Variants in VEGFA observed in about 807,000 individuals in gnomAD.
The protein encoded by VEGFA is vascular endothelial growth factor A, long form.
In VEGFA, 20 loss-of-function variants were observed where a neutral mutation model predicts 49.7. That is an observed-to-expected ratio of 0.40 (90% CI 0.28 to 0.58). The LOEUF (loss-of-function observed/expected upper bound fraction) is 0.58. Ranked by LOEUF, VEGFA falls within the 20% of genes least tolerant of loss-of-function variation. The pLI, the probability that VEGFA is intolerant of heterozygous loss-of-function variation, is 0.40. For missense variants in VEGFA, 505 were observed against 553.5 expected (o/e 0.91, Z 0.88); for synonymous variants, 219 against 223.4 (o/e 0.98, Z 0.18).
At chr6:43,784,213 G>A (rs543958759) in intron 7 of VEGFA, 1 of 470,720 alleles carries the variant, frequency 2.1e-6, no homozygotes, top group African/African-American at 2.0e-5. Context: ...GTCAAGTGGG[G>A]ACTGTTCTTT....
At chr6:43,783,768 C>T (rs1253612037) in intron 7 of VEGFA, 1 of 152,452 alleles carries the variant, frequency 6.6e-6, no homozygotes, top group Non-Finnish European at 1.5e-5. Flanking sequence ...CAGGGGCATG[C>T]TGAGAAAGTT....
In VEGFA at chr6:43,770,945, C is replaced by T; in HGVS notation, c.239C>T (p.Ala80Val). 2 of 1,544,596 alleles carry T rather than the reference C, an allele frequency of 1.3e-6. No individual in the cohort carries two copies. Among genetic ancestry groups the T allele is most frequent in the Admixed American group, 2.0e-5 (1 of 50,638 alleles). Residue 80 changes from alanine to valine, a missense_variant, in exon 1 of 8, where the codon GCG (alanine) becomes GTG (valine). Transcript: ENST00000672860. ...GGGGAAGCCGAGCCGAGCGGAGCCG[C>T]GAGAAGTGCTAGCTCGGGCCGGGAG...
In VEGFA at chr6:43,777,764, G is replaced by A. The variant is rs541724233; in HGVS notation, c.855+99G>A. 9.7e-6 allele frequency: 13 copies of A among 1,340,802 alleles called. No individual in the cohort carries two copies. The highest frequency in any genetic ancestry group is 6.2e-5 in the Admixed American group (3 of 48,752). The allele number at this position is 1,340,802 out of a possible 1,614,324, so 83.1% of individuals were successfully genotyped here. ...GTCGTTTCCTGGCTAGATTTGCCTT[G>A]TCTGGCTCCTGCCCCTGAGTTGCAC... On this transcript the variant is annotated intron_variant, in intron 3 of 7. Coordinates refer to ENST00000672860, the MANE Select transcript of VEGFA (RefSeq NM_003376.6). This position sits in a 1 kb window ranked among gnomAD's most constrained non-coding sequence, Gnocchi z 4.3.
rs1455464368 is a variant in VEGFA, at chr6:43,781,273, C to A, written c.1034+470C>A. 1.2e-5 allele frequency: 4 copies of A among 325,002 alleles called. No homozygotes were observed. In the East Asian group the frequency reaches 3.2e-4, roughly 26 times the overall value. The allele number at this position is 325,002 out of a possible 1,614,324, so 20.1% of individuals were successfully genotyped here. On this transcript the variant is annotated intron_variant, in intron 6 of 7. Transcript: ENST00000672860. ...AATGACTCCTTGGCTGAAGGAGGAG[C>A]TTGGGTGGGATCAGACACCATGTGG...
intron 5 of VEGFA, 32 bp downstream of exon 5, chr6:43,778,950 C>T (rs1278527377): frequency 1.1e-5 from 17 of 1,614,056 alleles, no homozygotes; most frequent in Non-Finnish European, 1.4e-5. Context: ...ACTTCTCCCT[C>T]TCCATGGCCG....
At chr6:43,780,121 TC>T in intron 5 of VEGFA, 1 of 215,784 alleles carries the variant, frequency 4.6e-6, no homozygotes, top group South Asian at 7.6e-5. Context: ...CCAGTCCAGG[TC>T]GTGCTGAGCA....
rs913819452 is a variant in VEGFA at position 43,784,767 on chromosome 6, G to A, written c.*205G>A. The A allele has an allele frequency of 1.4e-5, 13 of 898,480 alleles. No individual in the cohort carries two copies. Among genetic ancestry groups the A allele is most frequent in the Admixed American group, 1.0e-4 (5 of 49,800 alleles). The allele number at this position is 898,480 out of a possible 1,614,324, so 55.7% of individuals were successfully genotyped here. On this transcript the variant is annotated 3_prime_UTR_variant, in exon 8 of 8. Transcript: ENST00000672860. Reference sequence around the variant, plus strand: ...CTTTGGGTCCGGAGGGCGAGACTCCGGCGGAAGCATTCCCGGGCGGGTGAC... The same window carrying A: ...CTTTGGGTCCGGAGGGCGAGACTCCAGCGGAAGCATTCCCGGGCGGGTGAC...
At chr6:43,774,505 A>C (rs939754067) in intron 2 of VEGFA, 113 bp downstream of exon 2, 8 of 1,285,500 alleles carry the variant, frequency 6.2e-6, no homozygotes, top group Non-Finnish European at 8.9e-6. Context: ...GCACAGGAAT[A>C]TAAGGATCAA....
At chr6:43,778,403 A>T in intron 3 of VEGFA, 57 bp from the exon 4 acceptor site, 5 of 1,522,536 alleles carry the variant, frequency 3.3e-6, no homozygotes, top group Admixed American at 1.7e-5. Context: ...GGGTTGTCCC[A>T]TCTGGGTATG....
chr6:43,781,627 G>A (rs921227553), intron 6 of VEGFA: 5 of 371,670 alleles, frequency 1.3e-5, no homozygotes, highest in Admixed American at 3.7e-5. Context: ...GGCGTGCTCC[G>A]ATGGGGGCAA....
chr6:43,778,472 A>C lies in VEGFA; in HGVS notation c.868A>C (p.Lys290Gln). The change falls in exon 4 of 8, where the codon AAA becomes CAA. Residue 290 changes from lysine to glutamine, a missense_variant. This residue lies in a region of VEGFA where 165 missense variants were observed against 231.7 expected (regional missense o/e 0.71). Coordinates refer to ENST00000672860, the MANE Select transcript of VEGFA (RefSeq NM_003376.6). ...CCTTCCTTTCCAGATTATGCGGATC[A>C]AACCTCACCAAGGCCAGCACATAGG... 2 of 1,614,202 alleles carry C rather than the reference A, an allele frequency of 1.2e-6. No homozygotes were observed. The highest frequency in any genetic ancestry group is 1.7e-6 in the Non-Finnish European group (2 of 1,180,018).
Position 43,778,915 on chromosome 6 carries a change from A to G in VEGFA, c.959A>G (p.Glu320Gly), listed in dbSNP as rs760891966. ...CCAAAGAAAGATAGAGCAAGACAAG[A>G]AAAGTAAGTGGCCCTGACTTTAGCA... The change falls in exon 5 of 8, where the codon GAA (glutamate) becomes GGA (glycine). Residue 320 changes from glutamate to glycine, a missense_variant. Glu to Gly is a moderately conservative substitution (Grantham distance 98). Coordinates refer to ENST00000672860, the MANE Select transcript of VEGFA (RefSeq NM_003376.6). 1 of 1,614,202 alleles carries G rather than the reference A, an allele frequency of 6.2e-7. No individual in the cohort carries two copies. Among genetic ancestry groups the G allele is most frequent in the South Asian group, 1.1e-5 (1 of 91,080 alleles).
At position 43,784,935 on chromosome 6, in the gene VEGFA, T is replaced by TTA. The variant is rs1186179862; in HGVS notation, c.*384_*385dup. The TTA allele has an allele frequency of 2.8e-5, 5 of 178,004 alleles. No individual in the cohort carries two copies. Among genetic ancestry groups the TTA allele is most frequent in the Non-Finnish European group, 3.5e-5 (3 of 85,930 alleles). 11.0% of individuals were successfully genotyped at this position (178,004 alleles called of 1,614,324 possible). On this transcript the variant is annotated 3_prime_UTR_variant, in exon 8 of 8. Transcript: ENST00000672860. ...ATACATACATTTATATATATATATA[T>TTA]TATATATATATAAAAATAAATATCT...
In VEGFA at chr6:43,784,456, C is replaced by T; in HGVS notation, c.1167-85C>T. The T allele has an allele frequency of 2.9e-6, 4 of 1,391,622 alleles. No individual in the cohort carries two copies. The East Asian group carries it at 6.8e-5, about 24-fold the overall frequency. The allele number at this position is 1,391,622 out of a possible 1,614,324, so 86.2% of individuals were successfully genotyped here. Reference sequence around the variant, plus strand: ...CCGGAGGCTGCAGTGACCCAGGGGCCCCCAGGAATGGGGAGGCCGCCTGCC... The same window carrying T: ...CCGGAGGCTGCAGTGACCCAGGGGCTCCCAGGAATGGGGAGGCCGCCTGCC... On this transcript the variant is annotated intron_variant, in intron 7 of 7. Transcript: ENST00000672860.
In VEGFA at chr6:43,781,816, G is replaced by A. The variant is rs3025025; in HGVS notation, c.1035-140G>A. The A allele has an allele frequency of 3.5e-4, 400 of 1,141,540 alleles. No individual in the cohort carries two copies. In the African/African-American group the frequency reaches 4.0e-3, roughly 11 times the overall value. The allele number at this position is 1,141,540 out of a possible 1,614,324, so 70.7% of individuals were successfully genotyped here. ...CTCTCTGTCTTTTGCTGTAGCGCTC[G>A]GATCCTTCCAGGGCCTGGGGGCTGA... On this transcript the variant is annotated intron_variant, in intron 6 of 7. Coordinates refer to ENST00000672860, the MANE Select transcript of VEGFA (RefSeq NM_003376.6).
Position 43,781,954 on chromosome 6 carries a change from A to G in VEGFA, c.1035-2A>G. The G allele has an allele frequency of 6.2e-7, 1 of 1,613,812 alleles. No homozygotes were observed. The highest frequency in any genetic ancestry group is 8.5e-7 in the Non-Finnish European group (1 of 1,179,896). The stretch of plus-strand genomic sequence containing the variant: ...GATGTCTTTCCTTTTGCCTTTTTGC[A>G]GTCCCTGTGGGCCTTGCTCAGAGCG... On this transcript the variant is annotated splice_acceptor_variant, in intron 6 of 7. Transcript: ENST00000672860. LOFTEE classifies it high-confidence loss of function.
Position 43,770,469 on chromosome 6 carries a change from T to A in VEGFA, c.-238T>A, listed in dbSNP as rs1582457166. On this transcript the variant is annotated 5_prime_UTR_variant, in exon 1 of 8. Coordinates refer to ENST00000672860, the MANE Select transcript of VEGFA (RefSeq NM_003376.6). ...CCCCACTTGAATCGGGCCGACGGCT[T>A]GGGGAGATTGCTCTACTTCCCCAAA... 2 of 824,242 alleles carry A rather than the reference T, an allele frequency of 2.4e-6. No homozygotes were observed. The highest frequency in any genetic ancestry group is 3.6e-5 in the African/African-American group (2 of 56,026). 51.1% of individuals were successfully genotyped at this position (824,242 alleles called of 1,614,324 possible). A position where few individuals can be genotyped will look rare whatever the true frequency, so the allele number is the denominator to read the frequency against.
intron 7 of VEGFA, chr6:43,782,735 C>T (rs1301254338): frequency 6.1e-6 from 1 of 164,258 alleles, no homozygotes; most frequent in Non-Finnish European, 1.3e-5. Flanking sequence ...CTGAGGCTCC[C>T]TCAGGCCAGG....
In VEGFA at chr6:43,773,910, T is replaced by G; in HGVS notation, c.607-431T>G. 1 of 217,026 alleles carries G rather than the reference T, an allele frequency of 4.6e-6. No individual in the cohort carries two copies. The highest frequency in any genetic ancestry group is 4.9e-5 in the Admixed American group (1 of 20,576). The allele number at this position is 217,026 out of a possible 1,614,324, so 13.4% of individuals were successfully genotyped here. A position where few individuals can be genotyped will look rare whatever the true frequency, so the allele number is the denominator to read the frequency against. On this transcript the variant is annotated intron_variant, in intron 1 of 7. Transcript: ENST00000672860. This position sits in a 1 kb window ranked among gnomAD's most constrained non-coding sequence, Gnocchi z 5.6. ...AGCAGGAGAAGGTCACCATGTTGTT[T>G]TTCTCGCCCCTAGTCCTTCCTTCCT... is the stretch of plus-strand genomic sequence containing the variant.
Sources: gnomAD v4.1 joint callset for allele counts on GRCh38, gnomAD v4.1.1 for gene constraint, gnomAD v4.1.1 regional missense constraint, Gnocchi (gnomAD v3.1) non-coding constraint, MANE v1.5 for transcripts, NCBI Gene and HGNC (gene_info 2026-07-23, HGNC 2026-07-21) for gene names.